Variants in KCTD9 observed in about 807,000 individuals in gnomAD.
KCTD9 encodes the protein potassium channel tetramerization domain containing 9, also known as BTB/POZ domain-containing protein KCTD9.
A neutral mutation model predicts 53.3 loss-of-function variants in KCTD9; 17 were observed. That is an observed-to-expected ratio of 0.32 (90% CI 0.22 to 0.48). The LOEUF is 0.48. Among genes scored for constraint, KCTD9 ranks in the 20% least tolerant of loss-of-function variants. The probability of loss-of-function intolerance (pLI) is 0.99; values close to 1 mark genes in which losing one functional copy is unlikely to be tolerated. For missense variants in KCTD9, 179 were observed against 465.5 expected (o/e 0.38, Z 5.66); for synonymous variants, 128 against 162.7 (o/e 0.79, Z 1.62).
intron 3 of KCTD9, among the ~76,000 whole-genome samples, chr8:25,441,374 C>G (rs897992827): frequency 6.6e-6 from 1 of 152,022 alleles, no homozygotes; most frequent in African/African-American, 2.4e-5. Flanking sequence ...ATGAGCAATA[C>G]AAAAAGACTG....
At chr8:25,438,921 A>G (rs1415150360) in intron 6 of KCTD9, among the ~76,000 whole-genome samples, 1 of 152,218 alleles carries the variant, frequency 6.6e-6, no homozygotes, top group Admixed American at 6.5e-5. Flanking sequence ...AATATCCAGA[A>G]CTTGGAGCCA....
intron 5 of KCTD9, 32 bp from the exon 6 acceptor site, chr8:25,439,439 C>A (rs749356147): frequency 2.0e-5 from 31 of 1,577,748 alleles, no homozygotes; most frequent in South Asian, 1.4e-4. Flanking sequence ...GAAAGTCCCC[C>A]ATAAACAAAA....
At chr8:25,458,156 G>A (rs1385247825) in intron 1 of KCTD9, 43 bp downstream of exon 1, 2 of 1,499,902 alleles carry the variant, frequency 1.3e-6, no homozygotes, top group Non-Finnish European at 1.8e-6. Context: ...GTCCGCCCTC[G>A]CCCCGACCCC....
At chr8:25,447,390 G>A (rs11787383) in intron 1 of KCTD9, among the ~76,000 whole-genome samples, 23 of 151,896 alleles carry the variant, frequency 1.5e-4, no homozygotes, top group African/African-American at 4.8e-4. Context: ...CTGTCTCCCC[G>A]CTAAAAAAAG....
In KCTD9 at chr8:25,439,156, A is replaced by G; in HGVS notation, c.499+123T>C. 8.8e-6 allele frequency: 7 copies of G among 791,436 alleles called. No homozygotes were observed. In the South Asian group the frequency reaches 1.9e-4, roughly 21 times the overall value. The allele number at this position is 791,436 out of a possible 1,614,324, so 49.0% of individuals were successfully genotyped here. A position where few individuals can be genotyped will look rare whatever the true frequency, so the allele number is the denominator to read the frequency against. On this transcript the variant is annotated intron_variant, in intron 6 of 11. Transcript: ENST00000221200. ...TGTGAAAACATCTAGTTTAAAAAATAGAAAAAATATATACTTTTACTTTAT... is the reference window on the plus strand; with the variant it reads ...TGTGAAAACATCTAGTTTAAAAAATGGAAAAAATATATACTTTTACTTTAT...
At chr8:25,440,111 T>C (rs1202403369) in intron 4 of KCTD9, among the ~76,000 whole-genome samples, 4 of 147,830 alleles carry the variant, frequency 2.7e-5, no homozygotes, top group African/African-American at 1.0e-4. Flanking sequence ...CAGGCTGGAG[T>C]GCAGTGGCAG....
At chr8:25,432,660 GT>G (rs1773543031) in intron 10 of KCTD9, 23 bp from the exon 11 acceptor site, 1 of 1,589,320 alleles carries the variant, frequency 6.3e-7, no homozygotes, top group Non-Finnish European at 8.5e-7. Flanking sequence ...CATTCTGGGA[GT>G]AGTTTAACTT....
chr8:25,454,437 T>C (rs545889626), intron 1 of KCTD9, among the ~76,000 whole-genome samples: 44 of 152,320 alleles, frequency 2.9e-4, no homozygotes, highest in African/African-American at 1.0e-3. Context: ...AAAAGCACTC[T>C]GTGTTCAAGA....
At chr8:25,458,119 C>T (rs988288232) in intron 1 of KCTD9, 80 bp downstream of exon 1, 2 of 1,396,928 alleles carry the variant, frequency 1.4e-6, no homozygotes, top group East Asian at 2.5e-5. Context: ...CCAACTTCAC[C>T]GCTGCCCCGC....
chr8:25,443,544 G>A (rs922323372), intron 3 of KCTD9, among the ~76,000 whole-genome samples: 4 of 152,158 alleles, frequency 2.6e-5, no homozygotes, highest in East Asian at 1.9e-4. Context: ...TTGCCTGCCA[G>A]TCACTGTTAG....
At chr8:25,455,565 C>T (rs116595114) in intron 1 of KCTD9, among the ~76,000 whole-genome samples, 138 of 152,326 alleles carry the variant, frequency 9.1e-4, no homozygotes, top group African/African-American at 3.3e-3. Flanking sequence ...CAGCTTCTGC[C>T]ATTTCCTCAT....
At chr8:25,436,160 A>C in intron 8 of KCTD9, 75 bp downstream of exon 8, 6 of 937,044 alleles carry the variant, frequency 6.4e-6, no homozygotes, top group South Asian at 5.4e-5. Flanking sequence ...GATAATCCCA[A>C]AACACTAGAA....
At chr8:25,437,847 C>CAAAAAAAAA (rs59540797) in intron 6 of KCTD9, among the ~76,000 whole-genome samples, 3 of 62,544 alleles carry the variant, frequency 4.8e-5, no homozygotes, top group African/African-American at 2.1e-4. Context: ...GACCCTGTCT[C>CAAAAAAAAA]AAAAAAAAAA....
intron 8 of KCTD9, among the ~76,000 whole-genome samples, chr8:25,435,721 T>C (rs1228802108): frequency 6.6e-6 from 1 of 152,196 alleles, no homozygotes; most frequent in African/African-American, 2.4e-5. Context: ...TATCAATATA[T>C]ACATTAGAAT....
chr8:25,435,236 A>G (rs1586424148), intron 9 of KCTD9, 127 bp downstream of exon 9: 2 of 592,500 alleles, frequency 3.4e-6, no homozygotes, highest in Non-Finnish European at 5.4e-6. Flanking sequence ...TATCAACATA[A>G]TAAATTATCT....
chr8:25,453,850 AT>A (rs1802379751), intron 1 of KCTD9, among the ~76,000 whole-genome samples: 1 of 152,042 alleles, frequency 6.6e-6, no homozygotes, highest in African/African-American at 2.4e-5. Flanking sequence ...TTTTATGTAT[AT>A]TCTTTATTGT....
chr8:25,439,407 C>G lies in KCTD9; in HGVS notation c.371G>C (p.Gly124Ala). 1.2e-6 allele frequency: 2 copies of G among 1,603,408 alleles called. No individual in the cohort carries two copies. The highest frequency in any genetic ancestry group is 1.7e-6 in the Non-Finnish European group (2 of 1,176,428). ...SMLAHMFKDK[G>A]VWGNKQDHRG... Reference sequence around the variant, plus strand: ...ATGATCTTGCTTATTTCCCCAGACACCTGTGTCACCATTATAATAAAGAAA... The same window carrying G: ...ATGATCTTGCTTATTTCCCCAGACAGCTGTGTCACCATTATAATAAAGAAA... The change falls in exon 6 of 12, where the codon GGT becomes GCT. Residue 124 changes from glycine (G) to alanine (A), a missense_variant and splice_region_variant. Transcript: ENST00000221200.
intron 6 of KCTD9, among the ~76,000 whole-genome samples, chr8:25,437,146 G>A (rs909691626): frequency 1.3e-5 from 2 of 152,104 alleles, no homozygotes; most frequent in African/African-American, 2.4e-5. Flanking sequence ...TACAGCATCG[G>A]GCTACCACTC....
intron 1 of KCTD9, among the ~76,000 whole-genome samples, chr8:25,453,662 A>G (rs1945314856): frequency 2.0e-5 from 3 of 152,140 alleles, no homozygotes; most frequent in Non-Finnish European, 4.4e-5. Flanking sequence ...TCAAAAAAAA[A>G]AAAAAAAGGT....
Sources: gnomAD v4.1 joint callset for allele counts (sites outside exome capture counted in the v4.1 genomes callset) on GRCh38, gnomAD v4.1.1 for gene constraint, MANE v1.5 for transcripts, NCBI Gene and HGNC (gene_info 2026-07-23, HGNC 2026-07-21) for gene names.